Variants in CXCL3 observed in about 807,000 individuals in gnomAD.
CXCL3 encodes C-X-C motif chemokine 3.
CXCL3 carries 10 observed loss-of-function variants against 11.5 expected under a neutral mutation model. The ratio of observed to expected loss-of-function variants is 0.87; its 90% CI spans 0.54 to 1.48. The LOEUF (loss-of-function observed/expected upper bound fraction) is 1.48. CXCL3 is among the 40% of genes most tolerant of loss of function. The probability of loss-of-function intolerance (pLI) is 0.00; values close to 1 mark genes in which losing one functional copy is unlikely to be tolerated. For synonymous variants in CXCL3, 61 were observed against 60.9 expected (o/e 1.00, Z -0.01); for missense variants, 149 against 139.1 (o/e 1.07, Z -0.36).
chr4:74,038,603 G>T lies in CXCL3; in HGVS notation c.9C>A (p.His3Gln), dbSNP rs1341072991. Residue 3 changes from histidine (H) to glutamine (Q), a missense_variant, in exon 1 of 4, where the codon CAC (histidine) becomes CAA (glutamine). Physicochemically the swap from His to Gln is conservative, Grantham distance 24. Transcript: ENST00000296026. MA[H>Q]ATLSAAPSNP... ...TGCTGGGGGCGGCGGAGAGCGTGGC[G>T]TGGGCCATGGGGCTCAGCAGACGCG... The T allele has an allele frequency of 6.8e-7, 1 of 1,478,952 alleles. No homozygotes were observed. 91.6% of individuals were successfully genotyped at this position (1,478,952 alleles called of 1,614,324 possible). A position where few individuals can be genotyped will look rare whatever the true frequency, so the allele number is the denominator to read the frequency against.
intron 3 of CXCL3, 134 bp from the exon 4 acceptor site, chr4:74,037,411 ACTGCCTTCT>A: frequency 1.2e-6 from 1 of 840,798 alleles, no homozygotes; most frequent in Non-Finnish European, 1.8e-6. Flanking sequence ...GTCTGTACCC[ACTGCCTTCT>A]ATAGCAGAAA....
In CXCL3 at chr4:74,038,279, G is replaced by T; in HGVS notation, c.224+11C>A. The T allele has an allele frequency of 6.2e-7, 1 of 1,613,990 alleles. No homozygotes were observed. The highest frequency in any genetic ancestry group is 8.5e-7 in the Non-Finnish European group (1 of 1,179,914). On this transcript the variant is annotated intron_variant, in intron 2 of 3. Coordinates refer to ENST00000296026, the MANE Select transcript of CXCL3 (RefSeq NM_002090.3). ...CCAGCGGTGGCAGCGGAAGCGCGGG[G>T]CGGGACTTACATGACTTCGGTTTGG...
chr4:74,038,023 T>G, intron 3 of CXCL3, 70 bp downstream of exon 3: 3 of 1,492,106 alleles, frequency 2.0e-6, no homozygotes, highest in Non-Finnish European at 2.8e-6. Context: ...GATTTTATTT[T>G]TAGGGGGCAG....
In CXCL3 at chr4:74,038,295, T is replaced by C. The variant is rs770120324; in HGVS notation, c.219A>G (p.Glu73=). The change falls in exon 2 of 4, where the codon GAA becomes GAG. Residue 73 remains glutamate (E), a synonymous_variant. Transcript: ENST00000296026. ...RSPGPHCAQT[E]VIATLKNGKK... ...AAGCGCGGGGCGGGACTTACATGAC[T>C]TCGGTTTGGGCGCAGTGGGGTCCGG... 1.2e-6 allele frequency: 2 copies of C among 1,613,914 alleles called. No homozygotes were observed. The highest frequency in any genetic ancestry group is 1.7e-6 in the Non-Finnish European group (2 of 1,179,930).
chr4:74,037,520 TATTGGTCACTG>T, intron 3 of CXCL3: 1 of 522,376 alleles, frequency 1.9e-6, no homozygotes, highest in Non-Finnish European at 3.4e-6. Flanking sequence ...AGCCAAAACA[TATTGGTCACTG>T]ATTGTCACAT....
intron 3 of CXCL3, 143 bp from the exon 4 acceptor site, chr4:74,037,420 T>A: frequency 1.4e-6 from 1 of 713,380 alleles, no homozygotes; most frequent in East Asian, 2.9e-5. Context: ...CACTGCCTTC[T>A]ATAGCAGAAA....
At chr4:74,037,434 T>G in intron 3 of CXCL3, 157 bp from the exon 4 acceptor site, 1 of 552,974 alleles carries the variant, frequency 1.8e-6, no homozygotes, top group Non-Finnish European at 3.0e-6. Context: ...GCAGAAAACT[T>G]GCACTCCTGA....
At chr4:74,037,424 G>T in intron 3 of CXCL3, 147 bp from the exon 4 acceptor site, 1 of 612,936 alleles carries the variant, frequency 1.6e-6, no homozygotes, top group African/African-American at 2.0e-5. Context: ...GCCTTCTATA[G>T]CAGAAAACTT....
intron 3 of CXCL3, 170 bp from the exon 4 acceptor site, chr4:74,037,447 G>GT: frequency 2.8e-5 from 7 of 252,390 alleles, no homozygotes; most frequent in South Asian, 2.1e-4. Flanking sequence ...ACTCCTGAAT[G>GT]CTTTTTTTTT....
intron 3 of CXCL3, chr4:74,037,729 A>C: frequency 3.2e-6 from 1 of 309,104 alleles, no homozygotes; most frequent in Non-Finnish European, 6.0e-6. Flanking sequence ...TTACAGGCCC[A>C]AAGTGCCCAA....
chr4:74,037,445 A>T (rs575770561), intron 3 of CXCL3, 168 bp from the exon 4 acceptor site: 4,068 of 364,056 alleles, frequency 0.011, 45 homozygotes, highest in Non-Finnish European at 0.014. Context: ...GCACTCCTGA[A>T]TGCTTTTTTT....
In CXCL3 at chr4:74,038,534, C is replaced by T. The variant is rs1300515786; in HGVS notation, c.78G>A (p.Val26=). The T allele has an allele frequency of 2.5e-5, 37 of 1,484,662 alleles. No homozygotes were observed. Among genetic ancestry groups the T allele is most frequent in the Non-Finnish European group, 3.1e-5 (35 of 1,120,144 alleles). The allele number at this position is 1,484,662 out of a possible 1,614,324, so 92.0% of individuals were successfully genotyped here. ...LRVALLLLLL[V]AASRRAAGAS... ...CACCTGCTGCGCGCCGGCTGGCGGC[C>T]ACCAGGAGCAGGAGCAGCAGCGCCA... is the stretch of plus-strand genomic sequence containing the variant. The change falls in exon 1 of 4, where the codon GTG becomes GTA. Residue 26 remains valine (V), a synonymous_variant. Coordinates refer to ENST00000296026, the MANE Select transcript of CXCL3 (RefSeq NM_002090.3).
At position 74,037,284 on chromosome 4, in the gene CXCL3, T is replaced by C; in HGVS notation, c.309-7A>G. 1 of 1,610,958 alleles carries C rather than the reference T, an allele frequency of 6.2e-7. No homozygotes were observed. Among genetic ancestry groups the C allele is most frequent in the Non-Finnish European group, 8.5e-7 (1 of 1,177,214 alleles). ...CTGTCAGTTGGTGCTCCCCCTGTGA[T>C]GAGAAAAGGGTTACTGTTGCAGGTG... On this transcript the variant is annotated splice_polypyrimidine_tract_variant and splice_region_variant and intron_variant, in intron 3 of 3. Coordinates refer to ENST00000296026, the MANE Select transcript of CXCL3 (RefSeq NM_002090.3).
chr4:74,037,264 A>C lies in CXCL3; in HGVS notation c.322T>G (p.Ter108GlyextTer35). 6.2e-7 allele frequency: 1 copy of C among 1,614,016 alleles called. No homozygotes were observed. The highest frequency in any genetic ancestry group is 8.5e-7 in the Non-Finnish European group (1 of 1,179,964). The stretch of plus-strand genomic sequence containing the variant: ...ATAAGCTTCTTACTTCTCTCCTGTC[A>C]GTTGGTGCTCCCCCTGTGATGAGAA... ...EKILNKGSTN[*>G] Residue 108 changes from the stop codon to glycine, a stop_lost, in exon 4 of 4, where the codon TGA becomes GGA. Transcript: ENST00000296026.
At chr4:74,037,396 G>T in intron 3 of CXCL3, 119 bp from the exon 4 acceptor site, 1 of 1,184,472 alleles carries the variant, frequency 8.4e-7, no homozygotes, top group Non-Finnish European at 1.2e-6. Context: ...ACTCAGGGAA[G>T]GTCTGTCTGT....
rs1375766797 is a variant in CXCL3 at position 74,038,300 on chromosome 4, T to C, written c.214A>G (p.Thr72Ala). The C allele has an allele frequency of 6.2e-7, 1 of 1,613,800 alleles. No individual in the cohort carries two copies. The highest frequency in any genetic ancestry group is 1.1e-5 in the South Asian group (1 of 91,062). The change falls in exon 2 of 4, where the codon ACC (threonine) becomes GCC (alanine). Residue 72 changes from threonine (T) to alanine (A), a missense_variant. By Grantham distance (58) the Thr-to-Ala change is moderately conservative (BLOSUM62 0). Coordinates refer to ENST00000296026, the MANE Select transcript of CXCL3 (RefSeq NM_002090.3). ...VRSPGPHCAQTEVIATLKNGK... is the reference protein window; with the variant it reads ...VRSPGPHCAQAEVIATLKNGK... Reference sequence around the variant, plus strand: ...CGGGGCGGGACTTACATGACTTCGGTTTGGGCGCAGTGGGGTCCGGGGGAC... The same window carrying C: ...CGGGGCGGGACTTACATGACTTCGGCTTGGGCGCAGTGGGGTCCGGGGGAC...
intron 3 of CXCL3, chr4:74,037,695 G>C (rs985700672): frequency 3.3e-6 from 1 of 303,468 alleles, no homozygotes; most frequent in African/African-American, 2.2e-5. Flanking sequence ...TTACTGCAAA[G>C]TTTCTGCTCT....
chr4:74,037,931 G>T, intron 3 of CXCL3, 162 bp downstream of exon 3: 1 of 753,342 alleles, frequency 1.3e-6, no homozygotes, highest in Non-Finnish European at 2.2e-6. Context: ...CACCAGAGCA[G>T]ATTAATAACC....
Position 74,038,366 on chromosome 4 carries a change from G to T in CXCL3, c.148C>A (p.Gln50Lys), listed in dbSNP as rs768904602. ...ELRCQCLQTL[Q>K]GIHLKNIQSV... ...TGGATGTTCTTGAGGTGAATTCCCT[G>T]CAGTGTCTGCAAGCACTGGCAGCGC... Residue 50 changes from glutamine (Q) to lysine (K), a missense_variant, in exon 2 of 4, where the codon CAG becomes AAG. By Grantham distance (53) the Gln-to-Lys change is moderately conservative (BLOSUM62 1). Transcript: ENST00000296026. The T allele has an allele frequency of 1.2e-6, 2 of 1,614,092 alleles. No homozygotes were observed. Among genetic ancestry groups the T allele is most frequent in the African/African-American group, 1.3e-5 (1 of 74,950 alleles).
Sources: gnomAD v4.1 joint callset for allele counts on GRCh38, gnomAD v4.1.1 for gene constraint, MANE v1.5 for transcripts, NCBI Gene and HGNC (gene_info 2026-07-23, HGNC 2026-07-21) for gene names.